PMPCB: variants seen among roughly 807,000 people sequenced by gnomAD.
PMPCB encodes the protein peptidase, mitochondrial processing subunit beta.
In PMPCB, 46 loss-of-function variants were observed where a neutral mutation model predicts 61.5. The ratio of observed to expected loss-of-function variants is 0.75; its 90% CI spans 0.59 to 0.96. The LOEUF is 0.96. PMPCB is among the 40% of genes least tolerant of loss of function. The probability of loss-of-function intolerance (pLI) is 0.00; values close to 1 mark genes in which losing one functional copy is unlikely to be tolerated. For synonymous variants in PMPCB, 191 were observed against 201.6 expected (o/e 0.95, Z 0.44); for missense variants, 590 against 602.4 (o/e 0.98, Z 0.22).
chr7:103,297,535 C>A lies in PMPCB; in HGVS notation c.76C>A (p.Leu26Ile). The A allele has an allele frequency of 1.9e-6, 3 of 1,609,288 alleles. No individual in the cohort carries two copies. The highest frequency in any genetic ancestry group is 2.5e-6 in the Non-Finnish European group (3 of 1,177,168). Residue 26 changes from leucine (L) to isoleucine (I), a missense_variant, in exon 1 of 13, where the codon CTA (leucine) becomes ATA (isoleucine). Physicochemically the swap from Leu to Ile is conservative, Grantham distance 5 (BLOSUM62 2). Transcript: ENST00000249269. ...GCTCTGGGGTTTCAGCGAGAGTCTT[C>A]TAATCCGAGGCGCTGCGGGACGGGT... ...RRLWGFSESL[L>I]IRGAAGRSLY... is the part of the protein sequence containing the mutation.
the PMPCB span, chr7:103,344,843 A>C: frequency 3.3e-6 from 2 of 603,312 alleles, no homozygotes; most frequent in South Asian, 1.9e-5. Flanking sequence ...CGTGTGCGGT[A>C]ACCTAGTTCT....
the PMPCB span, among the ~76,000 whole-genome samples, chr7:103,343,650 G>A: frequency 6.6e-6 from 1 of 152,160 alleles, no homozygotes; most frequent in South Asian, 2.1e-4. Context: ...GGGAAGTGGG[G>A]GTAAATCACT....
At position 103,308,947 on chromosome 7, in the gene PMPCB, A is replaced by C; in HGVS notation, c.850-5A>C. On this transcript the variant is annotated splice_polypyrimidine_tract_variant and splice_region_variant and intron_variant, in intron 7 of 12. Transcript: ENST00000249269. ...CTAGAGGTCCTCCTGCTTTATCTTA[A>C]CTAGATTCGTGTGAGGGATGACAAG... 2 of 1,574,202 alleles carry C rather than the reference A, an allele frequency of 1.3e-6. No homozygotes were observed. Among genetic ancestry groups the C allele is most frequent in the Non-Finnish European group, 1.7e-6 (2 of 1,161,138 alleles).
downstream of PMPCB, among the ~76,000 whole-genome samples, chr7:103,318,387 ATACTTC>A (rs780737288): frequency 2.8e-4 from 42 of 152,060 alleles, no homozygotes; most frequent in Non-Finnish European, 4.4e-4. Flanking sequence ...ACCATACTTT[ATACTTC>A]TACTTCTATT....
Position 103,312,448 on chromosome 7 carries a change from T to TCTGAG in PMPCB, c.*178_*182dup. 1 of 1,522,206 alleles carries TCTGAG rather than the reference T, an allele frequency of 6.6e-7. No individual in the cohort carries two copies. The highest frequency in any genetic ancestry group is 1.3e-5 in the South Asian group (1 of 76,146). 94.3% of individuals were successfully genotyped at this position (1,522,206 alleles called of 1,614,324 possible). ...TTGTATTAATGGTCAGTCTTTGTTCTCTGAGAAATTATGTTGGAAGCAGCA... is the reference window on the plus strand; with the variant it reads ...TTGTATTAATGGTCAGTCTTTGTTCTCTGAGCTGAGAAATTATGTTGGAAGCAGCA... On this transcript the variant is annotated 3_prime_UTR_variant, in exon 13 of 13. Coordinates refer to ENST00000249269, the MANE Select transcript of PMPCB (RefSeq NM_004279.3).
In PMPCB at chr7:103,300,266, C is replaced by A. The variant is rs747613494; in HGVS notation, c.416C>A (p.Thr139Asn). The A allele has an allele frequency of 4.3e-6, 7 of 1,611,658 alleles. No individual in the cohort carries two copies. Among genetic ancestry groups the A allele is most frequent in the South Asian group, 1.1e-5 (1 of 90,900 alleles). ...HLNAYTSREQ[T>N]VYYAKAFSKD... is the part of the protein sequence containing the mutation. ...AATGCCTATACCTCCAGAGAGCAGA[C>A]TGTATACTATGCCAAAGCATTCTCT... Residue 139 changes from threonine to asparagine, a missense_variant, in exon 4 of 13, where the codon ACT becomes AAT. Transcript: ENST00000249269.
At chr7:103,303,726 A>C in intron 4 of PMPCB, 116 bp from the exon 5 acceptor site, 1 of 660,584 alleles carries the variant, frequency 1.5e-6, no homozygotes, top group Non-Finnish European at 2.6e-6. Context: ...CTCCTAGGCT[A>C]ATCATTTAGT....
At chr7:103,304,878 G>A (rs1817537113) in intron 6 of PMPCB, among the ~76,000 whole-genome samples, 1 of 151,952 alleles carries the variant, frequency 6.6e-6, no homozygotes. Context: ...AGAATTGCTT[G>A]AACCCAGGAG....
chr7:103,346,196 G>C, the PMPCB span, among the ~76,000 whole-genome samples: 2 of 152,082 alleles, frequency 1.3e-5, no homozygotes, highest in Non-Finnish European at 2.9e-5. Flanking sequence ...GCAGTGGCCT[G>C]ATTTCGGCTC....
intron 4 of PMPCB, 104 bp from the exon 5 acceptor site, chr7:103,303,738 T>C (rs1285438782): frequency 5.6e-6 from 4 of 715,356 alleles, no homozygotes; most frequent in East Asian, 2.7e-5. Flanking sequence ...TCATTTAGTA[T>C]TGAGTGATGG....
Position 103,310,354 on chromosome 7 carries a change from A to C in PMPCB, c.1033A>C (p.Asn345His), listed in dbSNP as rs776689813. 4.3e-6 allele frequency: 7 copies of C among 1,613,836 alleles called. No homozygotes were observed. The highest frequency in any genetic ancestry group is 1.7e-5 in the Admixed American group (1 of 59,980). ...SKLAQLTCHG[N>H]LCHSFQSFNT... is the part of the protein sequence containing the mutation. ...GCTGGCCCAGCTCACTTGTCATGGC[A>C]ATCTTTGCCATAGCTTTCAGTCTTT... Residue 345 changes from asparagine to histidine, a missense_variant, in exon 9 of 13, where the codon AAT becomes CAT. Physicochemically the swap from Asn to His is moderately conservative, Grantham distance 68. Transcript: ENST00000249269.
rs1434723332 is a variant in PMPCB, at chr7:103,301,937, G to A, written c.457+1630G>A. 3.9e-5 allele frequency among the ~76,000 whole-genome samples: 6 copies of A among 152,042 alleles called. No individual in the cohort carries two copies. The East Asian group carries it at 9.6e-4, about 24-fold the overall frequency. On this transcript the variant is annotated intron_variant, in intron 4 of 12. Coordinates refer to ENST00000249269, the MANE Select transcript of PMPCB (RefSeq NM_004279.3). The stretch of plus-strand genomic sequence containing the variant: ...ATTTACATTAGGTATATCTCCTAAC[G>A]CTATCCCTCCCTGCTCCCACCACCC...
Position 103,313,072 on chromosome 7 carries a change from T to C in PMPCB, c.*801T>C, listed in dbSNP as rs751160011. ...TGTTCCAAAAGCTTCTGTTCTTCTGTTGTCCAAGGGGTGAAGTCTGTATAT... is the reference window on the plus strand; with the variant it reads ...TGTTCCAAAAGCTTCTGTTCTTCTGCTGTCCAAGGGGTGAAGTCTGTATAT... On this transcript the variant is annotated 3_prime_UTR_variant, in exon 13 of 13. Coordinates refer to ENST00000249269, the MANE Select transcript of PMPCB (RefSeq NM_004279.3). 4 of 1,613,950 alleles carry C rather than the reference T, an allele frequency of 2.5e-6. No individual in the cohort carries two copies. The East Asian group carries it at 6.7e-5, about 27-fold the overall frequency.
intron 12 of PMPCB, among the ~76,000 whole-genome samples, chr7:103,325,689 C>T (rs1031265804): frequency 6.6e-6 from 1 of 152,048 alleles, no homozygotes; most frequent in Non-Finnish European, 1.5e-5. Context: ...CCAAGATGTG[C>T]TTTAAGGGAA....
chr7:103,335,218 G>A, the PMPCB span: 1 of 152,180 alleles, frequency 6.6e-6, no homozygotes, highest in Non-Finnish European at 1.5e-5. Flanking sequence ...TATGAAGCAA[G>A]CATTCAAAGG....
downstream of PMPCB, chr7:103,319,462 A>C (rs1176297195): frequency 3.5e-6 from 3 of 850,764 alleles, no homozygotes; most frequent in Non-Finnish European, 5.5e-6. Context: ...AAAACCGAAC[A>C]CATAAAACAA....
intron 1 of PMPCB, 194 bp downstream of exon 1, chr7:103,297,752 C>A (rs1269748037): frequency 1.9e-5 from 29 of 1,533,674 alleles, no homozygotes; most frequent in Non-Finnish European, 2.4e-5. Flanking sequence ...GCCAGGAGAC[C>A]TGCTAGTGAC....
At position 103,309,057 on chromosome 7, in the gene PMPCB, C is replaced by T; in HGVS notation, c.955C>T (p.Leu319=). ...AATCTGTCTCATGGTTGCAAACACG[C>T]TGATTGGCAACTGGGATCGCTCTTT... ...DTICLMVANT[L]IGNWDRSFGG... Residue 319 remains leucine (L), a synonymous_variant, in exon 8 of 13, where the codon CTG becomes TTG. Coordinates refer to ENST00000249269, the MANE Select transcript of PMPCB (RefSeq NM_004279.3). 6.2e-7 allele frequency: 1 copy of T among 1,607,346 alleles called. No homozygotes were observed. The highest frequency in any genetic ancestry group is 8.5e-7 in the Non-Finnish European group (1 of 1,176,318).
chr7:103,298,044 A>G, intron 1 of PMPCB: 1 of 655,420 alleles, frequency 1.5e-6, no homozygotes, highest in South Asian at 2.3e-5. Context: ...GGGCAAAGAA[A>G]AACTGCTGAA....
Sources: gnomAD v4.1 joint callset for allele counts (sites outside exome capture counted in the v4.1 genomes callset) on GRCh38, gnomAD v4.1.1 for gene constraint, MANE v1.5 for transcripts, NCBI Gene and HGNC (gene_info 2026-07-23, HGNC 2026-07-21) for gene names.